Variants in C17orf67 observed in about 807,000 individuals in gnomAD.
C17orf67 encodes uncharacterized protein C17orf67.
A neutral mutation model predicts 11.2 loss-of-function variants in C17orf67; 12 were observed. That is an observed-to-expected ratio of 1.07 (90% confidence interval 0.68 to 1.73). C17orf67 has a LOEUF of 1.73. Ranked by LOEUF, C17orf67 falls within the 40% of genes most tolerant of loss-of-function variation. C17orf67 has a pLI of 0.00. For missense variants in C17orf67, 115 were observed against 113.5 expected (o/e 1.01, Z -0.06); for synonymous variants, 59 against 46.9 (o/e 1.26, Z -1.05).
chr17:56,808,732 T>C (rs1905517421), intron 6 of C17orf67, among the ~76,000 whole-genome samples: 1 of 152,222 alleles, frequency 6.6e-6, no homozygotes, highest in Admixed American at 6.5e-5. Context: ...GCACAGCTTG[T>C]CTCAACCTGT....
chr17:56,800,827 T>C (rs571476947), intron 6 of C17orf67, among the ~76,000 whole-genome samples: 9 of 152,270 alleles, frequency 5.9e-5, no homozygotes, highest in South Asian at 2.1e-4. Flanking sequence ...GGGGACTTCA[T>C]TGGCCTGCCT....
At chr17:56,795,492 G>A (rs1328274963) in intron 6 of C17orf67, among the ~76,000 whole-genome samples, 2 of 152,138 alleles carry the variant, frequency 1.3e-5, no homozygotes, top group Non-Finnish European at 2.9e-5. Flanking sequence ...ATACCCTAGC[G>A]CAGTGGACGT....
At chr17:56,825,855 CA>C (rs1461446806) in intron 2 of C17orf67, among the ~76,000 whole-genome samples, 1 of 151,974 alleles carries the variant, frequency 6.6e-6, no homozygotes, top group Non-Finnish European at 1.5e-5. Flanking sequence ...TGTTCAAACA[CA>C]GGGTGTCTTT....
At chr17:56,821,190 C>G (rs1302112585) in intron 4 of C17orf67, among the ~76,000 whole-genome samples, 1 of 152,054 alleles carries the variant, frequency 6.6e-6, no homozygotes, top group Non-Finnish European at 1.5e-5. Flanking sequence ...CCCAAAGGAA[C>G]ATTTTTTTAA....
At chr17:56,813,357 C>G (rs1905678246) in intron 6 of C17orf67, among the ~76,000 whole-genome samples, 1 of 151,890 alleles carries the variant, frequency 6.6e-6, no homozygotes, top group African/African-American at 2.4e-5. Context: ...CTTGGCTTCT[C>G]TATCTCTCTG....
intron 6 of C17orf67, among the ~76,000 whole-genome samples, chr17:56,802,118 T>A (rs1195083876): frequency 1.3e-5 from 2 of 152,218 alleles, no homozygotes; most frequent in Non-Finnish European, 2.9e-5. Flanking sequence ...GCCAAATAAG[T>A]AGCCTGCATT....
At chr17:56,827,724 C>G (rs1297707731) in intron 2 of C17orf67, among the ~76,000 whole-genome samples, 2 of 152,230 alleles carry the variant, frequency 1.3e-5, no homozygotes, top group Non-Finnish European at 2.9e-5. Context: ...CCCAAGTCCT[C>G]AAGTCACTTT....
At chr17:56,819,016 A>G (rs1212909839) in intron 4 of C17orf67, among the ~76,000 whole-genome samples, 1 of 152,226 alleles carries the variant, frequency 6.6e-6, no homozygotes, top group Non-Finnish European at 1.5e-5. Context: ...GATGAAATAG[A>G]AAGTATCAGT....
At chr17:56,793,748 A>G (rs1174711002) in intron 7 of C17orf67, among the ~76,000 whole-genome samples, 1 of 152,214 alleles carries the variant, frequency 6.6e-6, no homozygotes, top group Non-Finnish European at 1.5e-5. Flanking sequence ...TTTCTGGAAG[A>G]AGCCAAGTGA....
chr17:56,824,489 C>G (rs776704474), intron 4 of C17orf67, among the ~76,000 whole-genome samples: 2 of 152,180 alleles, frequency 1.3e-5, no homozygotes, highest in East Asian at 3.8e-4. Context: ...CTCCCATGTC[C>G]CCATTCCCAC....
intron 4 of C17orf67, among the ~76,000 whole-genome samples, chr17:56,818,640 CTTT>C (rs1236713145): frequency 6.6e-6 from 1 of 152,034 alleles, no homozygotes; most frequent in Non-Finnish European, 1.5e-5. Context: ...TCAGTAGCCA[CTTT>C]TTTTAAGTAA....
At chr17:56,815,361 G>T (rs555723427) in intron 5 of C17orf67, among the ~76,000 whole-genome samples, 175 of 152,244 alleles carry the variant, frequency 1.1e-3, no homozygotes, top group South Asian at 2.9e-3. Context: ...GTGATAATAA[G>T]ATTATGTTAA....
intron 6 of C17orf67, 177 bp from the exon 7 acceptor site, chr17:56,795,357 C>A: frequency 1.7e-6 from 1 of 597,992 alleles, no homozygotes; most frequent in South Asian, 2.0e-5. Context: ...CTGACCCACC[C>A]AGTGGGCAAA....
chr17:56,814,949 C>T lies in C17orf67; in HGVS notation c.76G>A (p.Glu26Lys). 6.2e-7 allele frequency: 1 copy of T among 1,614,108 alleles called. No individual in the cohort carries two copies. The highest frequency in any genetic ancestry group is 8.5e-7 in the Non-Finnish European group (1 of 1,179,968). The change falls in exon 6 of 8, where the codon GAG becomes AAG. Residue 26 changes from glutamate to lysine, a missense_variant. Glu to Lys is a moderately conservative substitution (Grantham distance 56). Transcript: ENST00000397861. Reference sequence around the variant, plus strand: ...CTTAGGAGCTGTTTGGCCTGCTTCTCTGTCAAAATCGGGGAGGTCTCTGGA... The same window carrying T: ...CTTAGGAGCTGTTTGGCCTGCTTCTTTGTCAAAATCGGGGAGGTCTCTGGA... The part of the protein sequence containing the change: ...VFSETSPILT[E>K]KQAKQLLRSR...
chr17:56,794,272 T>C (rs1253097139), intron 7 of C17orf67, among the ~76,000 whole-genome samples: 1 of 152,180 alleles, frequency 6.6e-6, no homozygotes, highest in African/African-American at 2.4e-5. Context: ...AGGTATAAGA[T>C]TTCTCTTAAC....
chr17:56,810,673 C>T (rs1316256659), intron 6 of C17orf67, among the ~76,000 whole-genome samples: 2 of 152,220 alleles, frequency 1.3e-5, no homozygotes, highest in Non-Finnish European at 1.5e-5. Flanking sequence ...AGCCTCTGAA[C>T]TCCCTCCTTC....
At chr17:56,814,506 G>C in intron 6 of C17orf67, among the ~76,000 whole-genome samples, 1 of 152,146 alleles carries the variant, frequency 6.6e-6, no homozygotes, top group East Asian at 1.9e-4. Context: ...AAGGATGCTG[G>C]TCCAGCCTGC....
At chr17:56,816,071 C>A in intron 4 of C17orf67, 61 bp from the exon 5 acceptor site, 1 of 481,988 alleles carries the variant, frequency 2.1e-6, no homozygotes, top group Non-Finnish European at 3.6e-6. Flanking sequence ...GAAAAAGCAA[C>A]ATGTGATATT....
At chr17:56,808,562 G>A (rs1212941924) in intron 6 of C17orf67, among the ~76,000 whole-genome samples, 1 of 152,122 alleles carries the variant, frequency 6.6e-6, no homozygotes, top group Non-Finnish European at 1.5e-5. Context: ...AGATGTCCGT[G>A]CTCCTCTGGG....
Sources: allele counts gnomAD v4.1 joint callset (sites outside exome capture counted in the v4.1 genomes callset), GRCh38; gene constraint gnomAD v4.1.1; transcripts MANE v1.5; gene names NCBI Gene and HGNC (gene_info 2026-07-23, HGNC 2026-07-21).